Variants in LSAMP observed in about 807,000 individuals in gnomAD.
LSAMP encodes the protein limbic system associated membrane protein, also known as limbic system-associated membrane protein.
A neutral mutation model predicts 38.6 loss-of-function variants in LSAMP; 7 were observed. The ratio of observed to expected loss-of-function variants is 0.18; its 90% CI spans 0.10 to 0.34. The LOEUF (loss-of-function observed/expected upper bound fraction) is 0.34, where lower values mean the gene tolerates loss of function less well. Ranked by LOEUF, LSAMP falls within the 10% of genes least tolerant of loss-of-function variation. The probability of loss-of-function intolerance (pLI) is 1.00; values close to 1 mark genes in which losing one functional copy is unlikely to be tolerated. For synonymous variants in LSAMP, 154 were observed against 166.8 expected (o/e 0.92, Z 0.59); for missense variants, 313 against 420.0 (o/e 0.75, Z 2.23).
At chr3:115,956,340 A>G (rs371297000) in intron 3 of LSAMP, among the ~76,000 whole-genome samples, 56 of 151,116 alleles carry the variant, frequency 3.7e-4, no homozygotes, top group Non-Finnish European at 7.1e-4. Context: ...TGACCAAACA[A>G]TTATAGAAGA....
In LSAMP at chr3:115,850,961, A is replaced by ATCTCTCTC. The variant is rs111466687; in HGVS notation, c.649+1514_649+1521dup. On this transcript the variant is annotated intron_variant, in intron 4 of 6. Coordinates refer to ENST00000490035, the MANE Select transcript of LSAMP (RefSeq NM_002338.5). Reference sequence around the variant, plus strand: ...TGTGGGGATTAAACAACAAATATAAATCTCTCTCTCTCTCTCTCTTTTTTA... The same window carrying ATCTCTCTC: ...TGTGGGGATTAAACAACAAATATAAATCTCTCTCTCTCTCTCTCTCTCTCTCTTTTTTA... Among the ~76,000 whole-genome samples the ATCTCTCTC allele has an allele frequency of 7.4e-3, 1,111 of 150,822 alleles. 7 individuals carry two copies. The highest frequency in any genetic ancestry group is 9.6e-3 in the Non-Finnish European group (649 of 67,590).
chr3:115,967,152 C>G (rs990600648), intron 3 of LSAMP, among the ~76,000 whole-genome samples: 5 of 152,144 alleles, frequency 3.3e-5, no homozygotes, highest in African/African-American at 1.2e-4. Context: ...AAACCAAGTG[C>G]CTTTAACAGC....
intron 3 of LSAMP, among the ~76,000 whole-genome samples, chr3:115,884,470 T>C (rs982957408): frequency 1.2e-4 from 19 of 152,070 alleles, no homozygotes; most frequent in African/African-American, 4.6e-4. Context: ...TCTAATTCAA[T>C]TCAAATTCAA....
chr3:115,939,976 C>T (rs1937855443), intron 3 of LSAMP, among the ~76,000 whole-genome samples: 2 of 152,008 alleles, frequency 1.3e-5, no homozygotes, highest in African/African-American at 2.4e-5. Flanking sequence ...ATGGTGTGTC[C>T]AGAGTTGTTT....
chr3:116,190,718 T>G (rs1710736203), intron 1 of LSAMP, among the ~76,000 whole-genome samples: 1 of 152,236 alleles, frequency 6.6e-6, no homozygotes, highest in African/African-American at 2.4e-5. Flanking sequence ...CAAGCCTTCT[T>G]AGCCACCTAG....
intron 1 of LSAMP, among the ~76,000 whole-genome samples, chr3:116,431,683 G>T (rs1469063079): frequency 6.6e-6 from 1 of 151,908 alleles, no homozygotes; most frequent in Non-Finnish European, 1.5e-5. Context: ...ATATGCCCTG[G>T]ATTTTAAAAA....
At chr3:115,906,327 C>T (rs1937006882) in intron 3 of LSAMP, among the ~76,000 whole-genome samples, 1 of 152,072 alleles carries the variant, frequency 6.6e-6, no homozygotes, top group South Asian at 2.1e-4. Context: ...CTTGATTTCC[C>T]CTCAGTTCTT....
intron 3 of LSAMP, among the ~76,000 whole-genome samples, chr3:115,938,141 G>T (rs1295695212): frequency 1.3e-5 from 2 of 152,116 alleles, no homozygotes; most frequent in African/African-American, 2.4e-5. Flanking sequence ...AAGGTCTTTA[G>T]ATTTTCACTG....
chr3:115,980,293 G>A (rs1939319036), intron 3 of LSAMP, among the ~76,000 whole-genome samples: 1 of 151,944 alleles, frequency 6.6e-6, no homozygotes, highest in Non-Finnish European at 1.5e-5. Context: ...AAGATTGTAA[G>A]TTTTTTTGTT....
intron 1 of LSAMP, among the ~76,000 whole-genome samples, chr3:116,221,648 TC>T (rs1473095768): frequency 6.6e-6 from 1 of 152,216 alleles, no homozygotes; most frequent in Non-Finnish European, 1.5e-5. Context: ...GAACACAGAT[TC>T]TTACACATAC....
chr3:115,877,864 A>G (rs1936223574), intron 3 of LSAMP, among the ~76,000 whole-genome samples: 1 of 152,056 alleles, frequency 6.6e-6, no homozygotes, highest in African/African-American at 2.4e-5. Context: ...AATTTTTTAA[A>G]ATGTGGTTCC....
At position 116,045,976 on chromosome 3, in the gene LSAMP, A is replaced by C. The variant is rs771091185; in HGVS notation, c.389-26336T>G. On this transcript the variant is annotated intron_variant, in intron 2 of 6. Transcript: ENST00000490035. ...AGGTCTGCCTAACCTTGGAATAGAA[A>C]GTCTTTACTCCACTTACTCATGCTT... Among the ~76,000 whole-genome samples the C allele has an allele frequency of 5.9e-5, 9 of 152,292 alleles. No individual in the cohort carries two copies. The South Asian group carries it at 1.7e-3, about 28-fold the overall frequency.
chr3:116,335,594 C>T (rs2047909554), intron 1 of LSAMP, among the ~76,000 whole-genome samples: 1 of 151,960 alleles, frequency 6.6e-6, no homozygotes, highest in Non-Finnish European at 1.5e-5. Context: ...ATGGTGGGCA[C>T]CTGCTAAACC....
chr3:116,390,287 G>A (rs1189238067), intron 1 of LSAMP, among the ~76,000 whole-genome samples: 1 of 152,052 alleles, frequency 6.6e-6, no homozygotes, highest in East Asian at 1.9e-4. Context: ...AGTGGGATAT[G>A]TTTCACTTTG....
chr3:115,847,807 T>C (rs994432907), intron 4 of LSAMP, among the ~76,000 whole-genome samples: 5 of 152,200 alleles, frequency 3.3e-5, no homozygotes. Flanking sequence ...TTAAACCTCT[T>C]TCCTTTCTAA....
intron 3 of LSAMP, among the ~76,000 whole-genome samples, chr3:115,862,979 T>C (rs1193144933): frequency 6.6e-6 from 1 of 152,170 alleles, no homozygotes; most frequent in Non-Finnish European, 1.5e-5. Flanking sequence ...GCTGGGCCCA[T>C]GCGCTCCTAG....
Position 115,808,199 on chromosome 3 carries a change from T to TC in LSAMP, c.*2117dup, listed in dbSNP as rs1015148146. ...TGCCTTCCTTCCTTCCTTCCTTCCT[T>TC]CTTTCCTTTCTTTTTTTCCAGTTAC... On this transcript the variant is annotated 3_prime_UTR_variant, in exon 7 of 7. Transcript: ENST00000490035. The TC allele has an allele frequency of 2.2e-5, 3 of 137,786 alleles. No homozygotes were observed. Among genetic ancestry groups the TC allele is most frequent in the African/African-American group, 5.3e-5 (2 of 37,412 alleles). 8.5% of individuals were successfully genotyped at this position (137,786 alleles called of 1,614,324 possible).
chr3:116,297,584 G>A (rs1456547542), intron 1 of LSAMP, among the ~76,000 whole-genome samples: 1 of 152,002 alleles, frequency 6.6e-6, no homozygotes, highest in East Asian at 1.9e-4. Flanking sequence ...TGCCAAGTTT[G>A]GGGTTGAATA....
intron 3 of LSAMP, among the ~76,000 whole-genome samples, chr3:115,959,309 A>G (rs1224516483): frequency 6.6e-6 from 1 of 152,144 alleles, no homozygotes. Context: ...TAAAGGTCCA[A>G]AATTTTAGGC....
Sources: allele counts gnomAD v4.1 joint callset (sites outside exome capture counted in the v4.1 genomes callset), GRCh38; gene constraint gnomAD v4.1.1; transcripts MANE v1.5; gene names NCBI Gene and HGNC (gene_info 2026-07-23, HGNC 2026-07-21).